KCNH7: variants seen among roughly 807,000 people sequenced by gnomAD.
KCNH7 encodes potassium voltage-gated channel subfamily H member 7, also known as voltage-gated inwardly rectifying potassium channel KCNH7.
Under a neutral mutation model 120.8 loss-of-function variants are expected in KCNH7, and 49 were observed. The ratio of observed to expected loss-of-function variants is 0.41; its 90% CI spans 0.32 to 0.51. KCNH7 has a LOEUF of 0.51. Among genes scored for constraint, KCNH7 ranks in the 20% least tolerant of loss-of-function variants. KCNH7 has a pLI of 0.38. For synonymous variants in KCNH7, 547 were observed against 516.1 expected (o/e 1.06, Z -0.81); for missense variants, 1,097 against 1,446.6 (o/e 0.76, Z 3.92).
rs76429961 is a variant in KCNH7 at position 162,787,589 on chromosome 2, C to T, written c.307+48948G>A. Among the ~76,000 whole-genome samples, 378 of 152,302 alleles carry T rather than the reference C, an allele frequency of 2.5e-3. 4 individuals carry two copies. Among genetic ancestry groups the T allele is most frequent in the African/African-American group, 8.0e-3 (334 of 41,550 alleles). ...CTCTGTATTCAGGTGCCAGCACTAC[C>T]GCAGTAGACTGCAGTGCCTGGCTAG... On this transcript the variant is annotated intron_variant, in intron 2 of 15. Transcript: ENST00000332142.
chr2:162,661,198 G>A (rs1017153969), intron 2 of KCNH7, among the ~76,000 whole-genome samples: 1 of 152,114 alleles, frequency 6.6e-6, no homozygotes, highest in Non-Finnish European at 1.5e-5. Context: ...CAATAGAGAA[G>A]TGCTCTGTCA....
intron 2 of KCNH7, chr2:162,797,517 T>C (rs753505164): frequency 6.6e-6 from 1 of 152,126 alleles, no homozygotes; most frequent in Non-Finnish European, 1.5e-5. Flanking sequence ...ACCAGAATTA[T>C]AGCAGGATAC....
intron 2 of KCNH7, among the ~76,000 whole-genome samples, chr2:162,827,961 C>T (rs1251317144): frequency 6.6e-6 from 1 of 152,054 alleles, no homozygotes; most frequent in Non-Finnish European, 1.5e-5. Flanking sequence ...GGGCTGGTGT[C>T]CATTGCATAC....
chr2:162,549,702 A>C (rs1692602036), intron 2 of KCNH7, among the ~76,000 whole-genome samples: 1 of 152,232 alleles, frequency 6.6e-6, no homozygotes, highest in East Asian at 1.9e-4. Flanking sequence ...ATCATGTATT[A>C]CATTTGAAAA....
chr2:162,410,906 C>T (rs1203605688), intron 9 of KCNH7, among the ~76,000 whole-genome samples: 2 of 152,108 alleles, frequency 1.3e-5, no homozygotes, highest in Non-Finnish European at 2.9e-5. Context: ...GAGATACCAT[C>T]TCACACCAGT....
chr2:162,425,115 T>C (rs112980504), intron 8 of KCNH7, among the ~76,000 whole-genome samples: 4,844 of 152,116 alleles, frequency 0.032, 276 homozygotes, highest in African/African-American at 0.11. Flanking sequence ...GGAATATCAG[T>C]CTACTCCAGC....
chr2:162,386,688 A>T (rs907452655), intron 12 of KCNH7, among the ~76,000 whole-genome samples: 2 of 151,856 alleles, frequency 1.3e-5, no homozygotes, highest in Admixed American at 1.3e-4. Flanking sequence ...TGTGCCTCCA[A>T]TCAAGGTCTG....
intron 6 of KCNH7, among the ~76,000 whole-genome samples, chr2:162,459,060 G>T (rs1448818601): frequency 2.5e-5 from 3 of 122,342 alleles, no homozygotes; most frequent in East Asian, 2.5e-4. Flanking sequence ...AAGGAGGTCT[G>T]GGATAGAGCT....
At chr2:162,754,502 A>T (rs1232510917) in intron 2 of KCNH7, among the ~76,000 whole-genome samples, 1 of 152,134 alleles carries the variant, frequency 6.6e-6, no homozygotes, top group Non-Finnish European at 1.5e-5. Flanking sequence ...AGGAAGAGAG[A>T]CTGAGGTATT....
At chr2:162,523,554 C>T (rs1691601978) in intron 3 of KCNH7, among the ~76,000 whole-genome samples, 1 of 151,830 alleles carries the variant, frequency 6.6e-6, no homozygotes, top group Non-Finnish European at 1.5e-5. Flanking sequence ...TTCTCTCTCT[C>T]TCTCTCTCTC....
chr2:162,579,170 G>C (rs1693789453), intron 2 of KCNH7, among the ~76,000 whole-genome samples: 1 of 152,064 alleles, frequency 6.6e-6, no homozygotes, highest in African/African-American at 2.4e-5. Flanking sequence ...TCTCTTACTT[G>C]TATCGACTGA....
rs1338680579 is a variant in KCNH7 at position 162,384,561 on chromosome 2, C to T, written c.2962+127G>A. ...TGGATGATCTGAAATCTGAACGCTT[C>T]GCGAACATTTCATGAAGTTGAGAAC... On this transcript the variant is annotated intron_variant, in intron 13 of 15. Coordinates refer to ENST00000332142, the MANE Select transcript of KCNH7 (RefSeq NM_033272.4). 10 of 944,112 alleles carry T rather than the reference C, an allele frequency of 1.1e-5. No homozygotes were observed. The East Asian group carries it at 1.5e-4, about 14-fold the overall frequency. The allele number at this position is 944,112 out of a possible 1,614,324, so 58.5% of individuals were successfully genotyped here. A position where few individuals can be genotyped will look rare whatever the true frequency, so the allele number is the denominator to read the frequency against.
At chr2:162,422,776 A>G (rs1377927159) in intron 9 of KCNH7, among the ~76,000 whole-genome samples, 1 of 152,210 alleles carries the variant, frequency 6.6e-6, no homozygotes, top group Non-Finnish European at 1.5e-5. Context: ...GCATTAAACC[A>G]GGTACAGTAA....
chr2:162,388,792 A>T (rs1686656123), intron 12 of KCNH7, among the ~76,000 whole-genome samples: 2 of 152,002 alleles, frequency 1.3e-5, no homozygotes, highest in African/African-American at 4.8e-5. Flanking sequence ...GGCAATGGAA[A>T]ATCACTAAAC....
At chr2:162,662,328 A>T (rs1400328438) in intron 2 of KCNH7, among the ~76,000 whole-genome samples, 1 of 152,222 alleles carries the variant, frequency 6.6e-6, no homozygotes, top group East Asian at 1.9e-4. Flanking sequence ...TTTTCCATGT[A>T]GTATTGATGA....
chr2:162,781,001 G>T (rs961792719), intron 2 of KCNH7, among the ~76,000 whole-genome samples: 6 of 151,886 alleles, frequency 4.0e-5, no homozygotes, highest in Non-Finnish European at 8.8e-5. Flanking sequence ...TCCAAATATG[G>T]CCATTTACAT....
At chr2:162,576,773 A>G (rs1025202595) in intron 2 of KCNH7, among the ~76,000 whole-genome samples, 1 of 152,064 alleles carries the variant, frequency 6.6e-6, no homozygotes, top group Non-Finnish European at 1.5e-5. Flanking sequence ...GAAAGAAGTG[A>G]GGAGAAGAGA....
rs779224746 is a variant in KCNH7, at chr2:162,435,575, A to G, written c.1577T>C (p.Leu526Ser). The G allele has an allele frequency of 6.3e-7, 1 of 1,598,956 alleles. No homozygotes were observed. The highest frequency in any genetic ancestry group is 8.5e-7 in the Non-Finnish European group (1 of 1,171,740). Residue 526 changes from leucine to serine, a missense_variant, in exon 8 of 16, where the codon TTG (leucine) becomes TCG (serine). Transcript: ENST00000332142. Reference sequence around the variant, plus strand: ...AAGACGGAGGAGTCGGGCAGTCTTCAAAAGACCAATTAATGTTGTTGTCTG... The same window carrying G: ...AAGACGGAGGAGTCGGGCAGTCTTCGAAAGACCAATTAATGTTGTTGTCTG... ...SDETTTLIGL[L>S]KTARLLRLVR...
At chr2:162,744,009 G>T (rs1483331934) in intron 2 of KCNH7, among the ~76,000 whole-genome samples, 1 of 152,132 alleles carries the variant, frequency 6.6e-6, no homozygotes, top group Non-Finnish European at 1.5e-5. Flanking sequence ...CCAAGGGAGA[G>T]ACTAGTTTTC....
Sources: allele counts gnomAD v4.1 joint callset (sites outside exome capture counted in the v4.1 genomes callset), GRCh38; gene constraint gnomAD v4.1.1; transcripts MANE v1.5; gene names NCBI Gene and HGNC (gene_info 2026-07-23, HGNC 2026-07-21).